Variants in GPHN observed in about 807,000 individuals in gnomAD.
GPHN encodes the protein gephyrin.
A neutral mutation model predicts 95.5 loss-of-function variants in GPHN; 17 were observed. That is an observed-to-expected ratio of 0.18 (90% CI 0.12 to 0.27). The LOEUF is 0.27. Among genes scored for constraint, GPHN ranks in the 10% least tolerant of loss-of-function variants. The pLI is 1.00. For synonymous variants in GPHN, 320 were observed against 322.5 expected (o/e 0.99, Z 0.08); for missense variants, 660 against 978.1 (o/e 0.67, Z 4.34).
intron 10 of GPHN, among the ~76,000 whole-genome samples, chr14:67,047,318 T>TTG (rs141822405): frequency 0.13 from 17,395 of 131,964 alleles, 2,496 homozygotes; most frequent in East Asian, 0.41. Flanking sequence ...TTCATTTATT[T>TTG]TGTGTGTGTG....
chr14:66,965,467 A>C (rs888504621), intron 9 of GPHN, 142 bp downstream of exon 9: 6 of 798,194 alleles, frequency 7.5e-6, no homozygotes, highest in Non-Finnish European at 1.3e-5. Context: ...GATAGTTCCC[A>C]CCCATTGTGT....
chr14:66,611,132 T>G, intron 1 of GPHN, among the ~76,000 whole-genome samples: 1 of 152,172 alleles, frequency 6.6e-6, no homozygotes, highest in South Asian at 2.1e-4. Flanking sequence ...TAACCTTGCA[T>G]AGAAATTTTT....
the GPHN span, among the ~76,000 whole-genome samples, chr14:67,366,445 T>C: frequency 6.6e-6 from 1 of 152,208 alleles, no homozygotes; most frequent in East Asian, 1.9e-4. Flanking sequence ...AGAAAAAATA[T>C]GGAATGGCAT....
the GPHN span, among the ~76,000 whole-genome samples, chr14:67,657,754 T>TC: frequency 6.0e-5 from 2 of 33,374 alleles, no homozygotes; most frequent in South Asian, 2.0e-3. Context: ...TTTCTTTCTT[T>TC]TTTTTTTTTT....
chr14:66,957,611 A>G (rs2068614048), intron 8 of GPHN, among the ~76,000 whole-genome samples: 1 of 152,134 alleles, frequency 6.6e-6, no homozygotes, highest in Admixed American at 6.6e-5. Context: ...CCTAATATAT[A>G]TGGTATATCC....
At chr14:67,674,675 G>A in the GPHN span, 5 of 473,802 alleles carry the variant, frequency 1.1e-5, no homozygotes, top group African/African-American at 2.0e-5. Flanking sequence ...TCTCCAGCCA[G>A]TGATTGCTGG....
intron 5 of GPHN, among the ~76,000 whole-genome samples, chr14:66,882,731 G>C (rs1220307406): frequency 6.6e-6 from 1 of 151,370 alleles, no homozygotes; most frequent in African/African-American, 2.4e-5. Flanking sequence ...TTTTAGAGTA[G>C]GTCTGCTGGT....
At chr14:67,664,607 T>A in the GPHN span, among the ~76,000 whole-genome samples, 1 of 151,322 alleles carries the variant, frequency 6.6e-6, no homozygotes, top group Non-Finnish European at 1.5e-5. Flanking sequence ...AGCGATTCTC[T>A]TGCCTCAGCC....
the GPHN span, among the ~76,000 whole-genome samples, chr14:67,528,483 C>T: frequency 2.6e-5 from 4 of 152,342 alleles, no homozygotes; most frequent in Admixed American, 2.0e-4. Flanking sequence ...TTGATGTGAG[C>T]AGCCATTGTT....
At chr14:66,937,410 C>G (rs949502452) in intron 8 of GPHN, among the ~76,000 whole-genome samples, 12 of 148,588 alleles carry the variant, frequency 8.1e-5, no homozygotes, top group Non-Finnish European at 1.6e-4. Flanking sequence ...GAGACTGAGT[C>G]TCCTTCTGTC....
At chr14:67,332,980 GTTGGAC>G in the GPHN span, 1 of 1,587,322 alleles carries the variant, frequency 6.3e-7, no homozygotes, top group Non-Finnish European at 8.6e-7. Flanking sequence ...TCTGTGGCAT[GTTGGAC>G]TTGATCTGGC....
chr14:67,339,053 G>A, the GPHN span, among the ~76,000 whole-genome samples: 2 of 148,964 alleles, frequency 1.3e-5, no homozygotes, highest in Admixed American at 6.7e-5. Flanking sequence ...GAGTGCAGTG[G>A]CGCACGCAAT....
At chr14:67,115,219 G>T (rs1468542614) in intron 16 of GPHN, among the ~76,000 whole-genome samples, 1 of 151,636 alleles carries the variant, frequency 6.6e-6, no homozygotes, top group Non-Finnish European at 1.5e-5. Context: ...TCTGTGCCAG[G>T]CACTTTACTG....
At chr14:66,863,960 G>A (rs2063133373) in intron 4 of GPHN, among the ~76,000 whole-genome samples, 1 of 151,988 alleles carries the variant, frequency 6.6e-6, no homozygotes, top group Non-Finnish European at 1.5e-5. Flanking sequence ...AAGCAAAAAT[G>A]GACAAATGGG....
At chr14:66,882,920 A>G (rs757448463) in intron 5 of GPHN, among the ~76,000 whole-genome samples, 1 of 151,542 alleles carries the variant, frequency 6.6e-6, no homozygotes, top group Non-Finnish European at 1.5e-5. Context: ...CCTGAAAAGA[A>G]ATGAGCAATC....
intron 2 of GPHN, among the ~76,000 whole-genome samples, chr14:66,698,346 T>C (rs1224326635): frequency 6.6e-6 from 1 of 152,170 alleles, no homozygotes; most frequent in African/African-American, 2.4e-5. Context: ...TAACTTGAAA[T>C]CTGTGTGAAA....
rs1042253327 is a variant in GPHN at position 66,988,270 on chromosome 14, T to G, written c.963+22945T>G. 1.4e-4 allele frequency among the ~76,000 whole-genome samples: 21 copies of G among 152,214 alleles called. No individual in the cohort carries two copies. In the East Asian group the frequency reaches 2.3e-3, roughly 17 times the overall value. On this transcript the variant is annotated intron_variant, in intron 9 of 22. Transcript: ENST00000478722. ...CCCAGTGCAAAATAAAATCTTTCTTTTCAAAAATCACTATTTCTTATACAA... is the reference window on the plus strand; with the variant it reads ...CCCAGTGCAAAATAAAATCTTTCTTGTCAAAAATCACTATTTCTTATACAA...
chr14:66,897,939 A>G lies in GPHN; in HGVS notation c.389+17906A>G, dbSNP rs191431507. Reference sequence around the variant, plus strand: ...CTTGCCAGTATTTGGAGTTGTCACTATTTTTATTTTAGCCATTTTGATAGT... The same window carrying G: ...CTTGCCAGTATTTGGAGTTGTCACTGTTTTTATTTTAGCCATTTTGATAGT... On this transcript the variant is annotated intron_variant, in intron 5 of 22. Coordinates refer to ENST00000478722, the MANE Select transcript of GPHN (RefSeq NM_020806.5). 6.1e-4 allele frequency among the ~76,000 whole-genome samples: 93 copies of G among 152,150 alleles called. 1 individual carries two copies. The East Asian group carries it at 0.015, about 24-fold the overall frequency.
At chr14:66,941,258 A>T (rs1259776768) in intron 8 of GPHN, among the ~76,000 whole-genome samples, 2 of 78,140 alleles carry the variant, frequency 2.6e-5, no homozygotes, top group African/African-American at 2.2e-4. Flanking sequence ...TATTTTCATT[A>T]AAAAAAAAAT....
Sources: gnomAD v4.1 joint callset for allele counts (sites outside exome capture counted in the v4.1 genomes callset) on GRCh38, gnomAD v4.1.1 for gene constraint, MANE v1.5 for transcripts, NCBI Gene and HGNC (gene_info 2026-07-23, HGNC 2026-07-21) for gene names.